SCAPER: variants seen among roughly 807,000 people sequenced by gnomAD.
The protein encoded by SCAPER is S phase cyclin A-associated protein in the endoplasmic reticulum.
In SCAPER, 98 loss-of-function variants were observed where a neutral mutation model predicts 182.2. The observed-to-expected ratio is 0.54, with a 90% CI of 0.46 to 0.64. The LOEUF (loss-of-function observed/expected upper bound fraction) is 0.64, where lower values mean the gene tolerates loss of function less well. Among genes scored for constraint, SCAPER ranks in the 30% least tolerant of loss-of-function variants. SCAPER has a pLI of 0.00. For missense variants in SCAPER, 1,432 were observed against 1,690.0 expected, an observed-to-expected ratio of 0.85 and a Z score of 2.68; for synonymous variants, 605 against 564.6, an observed-to-expected ratio of 1.07 and a Z score of -1.01.
At chr15:76,455,042 A>C (rs2048627604) in intron 25 of SCAPER, among the ~76,000 whole-genome samples, 1 of 152,128 alleles carries the variant, frequency 6.6e-6, no homozygotes, top group South Asian at 2.1e-4. Flanking sequence ...CTCAACCTGT[A>C]GTTAAATTTC....
At chr15:76,874,008 T>G (rs2072973351) in intron 2 of SCAPER, among the ~76,000 whole-genome samples, 1 of 152,128 alleles carries the variant, frequency 6.6e-6, no homozygotes, top group African/African-American at 2.4e-5. Flanking sequence ...TTCTCCTGCT[T>G]CAGCCTCCCA....
chr15:76,423,921 T>C (rs1325433839), intron 26 of SCAPER, among the ~76,000 whole-genome samples: 2 of 152,236 alleles, frequency 1.3e-5, no homozygotes, highest in African/African-American at 2.4e-5. Context: ...TCTGTGTAGT[T>C]GAGCGGTTTT....
intron 22 of SCAPER, among the ~76,000 whole-genome samples, chr15:76,614,793 AT>A (rs949871951): frequency 6.6e-6 from 1 of 152,206 alleles, no homozygotes; most frequent in Non-Finnish European, 1.5e-5. Context: ...ATGAAACAGA[AT>A]TTTTTAAAAT....
At chr15:76,478,333 C>A (rs1412548801) in intron 24 of SCAPER, among the ~76,000 whole-genome samples, 2 of 151,826 alleles carry the variant, frequency 1.3e-5, no homozygotes, top group African/African-American at 4.8e-5. Flanking sequence ...TTGTTAATAT[C>A]TTTTTCCAGC....
At chr15:76,851,174 GA>G (rs1238217940) in intron 4 of SCAPER, among the ~76,000 whole-genome samples, 3 of 152,052 alleles carry the variant, frequency 2.0e-5, no homozygotes, top group Non-Finnish European at 4.4e-5. Flanking sequence ...AAACCTCCAA[GA>G]ACTGTGGGAT....
chr15:76,856,896 TAAC>T (rs1017017051), intron 4 of SCAPER, among the ~76,000 whole-genome samples: 24 of 151,732 alleles, frequency 1.6e-4, no homozygotes, highest in African/African-American at 4.6e-4. Context: ...TAAAATAAAA[TAAC>T]AACACATATG....
At chr15:76,601,733 G>C (rs1345822847) in intron 22 of SCAPER, among the ~76,000 whole-genome samples, 1 of 121,658 alleles carries the variant, frequency 8.2e-6, no homozygotes, top group African/African-American at 2.5e-5. Context: ...TTCAAATAAT[G>C]CTATACTGCT....
At position 76,592,359 on chromosome 15, in the gene SCAPER, A is replaced by C. The variant is rs1386678172; in HGVS notation, c.2712-18075T>G. Among the ~76,000 whole-genome samples, 4 of 91,708 alleles carry C rather than the reference A, an allele frequency of 4.4e-5. 2 individuals are homozygous for C. Among genetic ancestry groups the C allele is most frequent in the Non-Finnish European group, 1.2e-4 (4 of 33,494 alleles). The allele number at this position is 91,708 out of a possible 152,430, so 60.2% of individuals were successfully genotyped here. On this transcript the variant is annotated intron_variant, in intron 22 of 31. Transcript: ENST00000563290. ...ACTGCTCAAATAAAATGTTATTTGA[A>C]TATGGTCACACAAATTGATTTATGT...
At chr15:76,835,933 C>CAAAAAA (rs35242954) in intron 5 of SCAPER, among the ~76,000 whole-genome samples, 9 of 94,296 alleles carry the variant, frequency 9.5e-5, no homozygotes, top group African/African-American at 3.9e-4. Context: ...ACATTAGCCA[C>CAAAAAA]AAAAAAAAAA....
chr15:76,782,533 AAT>A (rs1280183861), intron 8 of SCAPER, among the ~76,000 whole-genome samples: 1 of 152,196 alleles, frequency 6.6e-6, no homozygotes, highest in Non-Finnish European at 1.5e-5. Flanking sequence ...AAGCCGACCT[AAT>A]AGACATCTAC....
At chr15:76,606,962 CTT>C (rs2050474715) in intron 22 of SCAPER, among the ~76,000 whole-genome samples, 1 of 152,186 alleles carries the variant, frequency 6.6e-6, no homozygotes, top group Non-Finnish European at 1.5e-5. Flanking sequence ...AGTCTTGACT[CTT>C]TATCCAATTT....
At chr15:76,392,208 C>T (rs1476514071) in intron 27 of SCAPER, among the ~76,000 whole-genome samples, 1 of 152,048 alleles carries the variant, frequency 6.6e-6, no homozygotes, top group African/African-American at 2.4e-5. Flanking sequence ...ACCTTTCCTG[C>T]CTATCTCCTT....
At chr15:76,446,575 T>C (rs768691885) in intron 25 of SCAPER, among the ~76,000 whole-genome samples, 5 of 152,194 alleles carry the variant, frequency 3.3e-5, no homozygotes, top group African/African-American at 7.2e-5. Context: ...GAAATTTCCT[T>C]TAATCTCTTC....
intron 27 of SCAPER, among the ~76,000 whole-genome samples, chr15:76,392,741 G>A (rs2043791072): frequency 6.6e-6 from 1 of 152,174 alleles, no homozygotes; most frequent in Non-Finnish European, 1.5e-5. Context: ...ACAGAACTGA[G>A]AAAGCTGAAA....
intron 23 of SCAPER, chr15:76,567,482 C>T (rs2047123576): frequency 3.0e-6 from 1 of 336,036 alleles, no homozygotes; most frequent in African/African-American, 2.2e-5. Flanking sequence ...GTAGGCTCAA[C>T]TTATGTTATC....
intron 15 of SCAPER, among the ~76,000 whole-genome samples, chr15:76,734,701 C>G (rs2061138645): frequency 6.6e-6 from 1 of 151,972 alleles, no homozygotes; most frequent in Non-Finnish European, 1.5e-5. Flanking sequence ...ATGGTGAAAC[C>G]CCGTCTCTAC....
At chr15:76,409,288 C>T (rs928392545) in intron 26 of SCAPER, among the ~76,000 whole-genome samples, 2 of 152,122 alleles carry the variant, frequency 1.3e-5, no homozygotes, top group Non-Finnish European at 2.9e-5. Flanking sequence ...AATGTTGAGG[C>T]TATTACCACA....
intron 28 of SCAPER, among the ~76,000 whole-genome samples, chr15:76,377,696 T>C (rs1387555927): frequency 6.6e-6 from 1 of 152,128 alleles, no homozygotes; most frequent in Non-Finnish European, 1.5e-5. Context: ...GAGGGAAAAA[T>C]ATTTTGACAG....
At chr15:76,560,920 G>A (rs1024075324) in intron 23 of SCAPER, among the ~76,000 whole-genome samples, 2 of 152,130 alleles carry the variant, frequency 1.3e-5, no homozygotes, top group African/African-American at 4.8e-5. Context: ...ACCTGCATTA[G>A]TTAATACACA....
Sources: allele counts gnomAD v4.1 joint callset (sites outside exome capture counted in the v4.1 genomes callset), GRCh38; gene constraint gnomAD v4.1.1; transcripts MANE v1.5; gene names NCBI Gene and HGNC (gene_info 2026-07-23, HGNC 2026-07-21).